IFT172: variants seen among roughly 807,000 people sequenced by gnomAD.
IFT172 encodes intraflagellar transport 172.
IFT172 carries 164 observed loss-of-function variants against 248.9 expected under a neutral mutation model. The ratio of observed to expected loss-of-function variants is 0.66; its 90% confidence interval spans 0.58 to 0.75. The LOEUF is 0.75. IFT172 is among the 30% of genes least tolerant of loss of function. IFT172 has a pLI of 0.00. For synonymous variants in IFT172, 729 were observed against 791.6 expected (o/e 0.92, Z 1.33); for missense variants, 1,950 against 2,192.4 (o/e 0.89, Z 2.21).
At chr2:27,453,185 G>C (rs1388364473) in intron 35 of IFT172, 199 bp downstream of exon 35, 2 of 755,118 alleles carry the variant, frequency 2.6e-6, no homozygotes, top group Non-Finnish European at 4.8e-6. Flanking sequence ...ACTTTTGGCT[G>C]TCAGGGCTCT....
Position 27,489,674 on chromosome 2 carries a change from A to C in IFT172, c.-21T>G, listed in dbSNP as rs1669034791. Reference sequence around the variant, plus strand: ...TGCATGACGCACACCTGTCTTTCAGATGCTCCTAGACAGCGACAACTCCCG... The same window carrying C: ...TGCATGACGCACACCTGTCTTTCAGCTGCTCCTAGACAGCGACAACTCCCG... On this transcript the variant is annotated 5_prime_UTR_variant, in exon 1 of 48. Transcript: ENST00000260570. 6.2e-7 allele frequency: 1 copy of C among 1,604,718 alleles called. No homozygotes were observed. The highest frequency in any genetic ancestry group is 8.5e-7 in the Non-Finnish European group (1 of 1,173,588).
chr2:27,461,902 C>T, intron 20 of IFT172, 66 bp from the exon 21 acceptor site: 1 of 1,577,742 alleles, frequency 6.3e-7, no homozygotes. Context: ...GCAGCAAGCT[C>T]TCCTCAGCCT....
At chr2:27,455,554 CA>C in intron 30 of IFT172, 6 of 204,818 alleles carry the variant, frequency 2.9e-5, no homozygotes, top group South Asian at 7.0e-5. Flanking sequence ...TAAAAAAGTA[CA>C]AAAAAATTAG....
Position 27,483,648 on chromosome 2 carries a change from T to G in IFT172, c.414A>C (p.Ala138=), listed in dbSNP as rs1668544883. 2 of 1,614,150 alleles carry G rather than the reference T, an allele frequency of 1.2e-6. No individual in the cohort carries two copies. Among genetic ancestry groups the G allele is most frequent in the Non-Finnish European group, 1.7e-6 (2 of 1,180,020 alleles). Residue 138 remains alanine (A), a synonymous_variant, in exon 6 of 48, where the codon GCA becomes GCC. Coordinates refer to ENST00000260570, the MANE Select transcript of IFT172 (RefSeq NM_015662.3). The part of the protein sequence containing the change: ...FGLAEGKVRL[A]NTKTNKSSTI... Reference sequence around the variant, plus strand: ...TAGATGATTTATTAGTTTTGGTGTTTGCTAAACGAACCTGAAAATGGAAAA... The same window carrying G: ...TAGATGATTTATTAGTTTTGGTGTTGGCTAAACGAACCTGAAAATGGAAAA...
At chr2:27,483,992 T>C in intron 4 of IFT172, 55 bp from the exon 5 acceptor site, 1 of 1,500,376 alleles carries the variant, frequency 6.7e-7, no homozygotes, top group Non-Finnish European at 9.3e-7. Context: ...GCCAGCACTT[T>C]TATAACAACT....
At chr2:27,458,896 A>G in intron 25 of IFT172, 28 bp from the exon 26 acceptor site, 1 of 1,611,988 alleles carries the variant, frequency 6.2e-7, no homozygotes, top group Non-Finnish European at 8.5e-7. Flanking sequence ...TAGATACAAA[A>G]GGTCAGAGCA....
In IFT172 at chr2:27,478,172, G is replaced by A. The variant is rs964615884; in HGVS notation, c.1006-16C>T. 9.9e-6 allele frequency: 16 copies of A among 1,613,962 alleles called. No homozygotes were observed. The highest frequency in any genetic ancestry group is 2.2e-5 in the East Asian group (1 of 44,880). The stretch of plus-strand genomic sequence containing the variant: ...TCACAATCACCTTGGTAAAGGACAA[G>A]TGTGAGCCCCTTAGGCTTCCCCAGC... On this transcript the variant is annotated splice_polypyrimidine_tract_variant and intron_variant, in intron 10 of 47. Coordinates refer to ENST00000260570, the MANE Select transcript of IFT172 (RefSeq NM_015662.3).
Position 27,446,368 on chromosome 2 carries a change from T to G in IFT172, c.4660-13A>C. On this transcript the variant is annotated splice_polypyrimidine_tract_variant and intron_variant, in intron 42 of 47. Transcript: ENST00000260570. ...CAGCCACGGTTTCCTGGGATTAAAG[T>G]CAAAGCATTATGAATATGGCACTAA... The G allele has an allele frequency of 6.2e-7, 1 of 1,613,318 alleles. No individual in the cohort carries two copies. Among genetic ancestry groups the G allele is most frequent in the Non-Finnish European group, 8.5e-7 (1 of 1,179,296 alleles).
chr2:27,452,685 G>A (rs923576384), intron 35 of IFT172, among the ~76,000 whole-genome samples: 4 of 152,168 alleles, frequency 2.6e-5, no homozygotes, highest in Non-Finnish European at 4.4e-5. Flanking sequence ...ACAATGGTAA[G>A]CATTTGTGTA....
chr2:27,473,792 G>A (rs1452408958), intron 14 of IFT172, among the ~76,000 whole-genome samples: 6 of 151,954 alleles, frequency 3.9e-5, no homozygotes, highest in Admixed American at 1.3e-4. Flanking sequence ...AAAGTTAAGA[G>A]AAGAACTTTT....
At position 27,458,204 on chromosome 2, in the gene IFT172, C is replaced by G. The variant is rs1009534874; in HGVS notation, c.2897G>C (p.Arg966Thr). 2 of 1,614,048 alleles carry G rather than the reference C, an allele frequency of 1.2e-6. No individual in the cohort carries two copies. The highest frequency in any genetic ancestry group is 2.7e-5 in the African/African-American group (2 of 74,922). Residue 966 changes from arginine to threonine, a missense_variant, in exon 27 of 48, where the codon AGA (arginine) becomes ACA (threonine). Arg to Thr is a moderately conservative substitution (Grantham distance 71). Coordinates refer to ENST00000260570, the MANE Select transcript of IFT172 (RefSeq NM_015662.3). ...QAHKLAMKCM[R>T]PEDVSVLYIT... ...GTATAGCACTGACACATCTTCTGGT[C>G]TCATGCATTTCATCGCCAGCTGTGG... is the stretch of plus-strand genomic sequence containing the variant.
intron 35 of IFT172, among the ~76,000 whole-genome samples, chr2:27,451,761 G>C (rs186254836): frequency 6.6e-6 from 1 of 151,972 alleles, no homozygotes; most frequent in Non-Finnish European, 1.5e-5. Context: ...GCAAGACTCC[G>C]TCTCAAAAAA....
In IFT172 at chr2:27,466,033, TA is replaced by T; in HGVS notation, c.1693-152del. 16 of 853,014 alleles carry T rather than the reference TA, an allele frequency of 1.9e-5. No individual in the cohort carries two copies. In the South Asian group the frequency reaches 2.3e-4, roughly 12 times the overall value. The allele number at this position is 853,014 out of a possible 1,614,324, so 52.8% of individuals were successfully genotyped here. ...CTAACATTTTAGTTTCTCTCAAGCA[TA>T]AAAAAATACTTCATTTATAGCAATA... On this transcript the variant is annotated intron_variant, in intron 16 of 47. Coordinates refer to ENST00000260570, the MANE Select transcript of IFT172 (RefSeq NM_015662.3).
At chr2:27,483,201 G>C (rs1162324801) in intron 7 of IFT172, 88 bp downstream of exon 7, 7 of 780,852 alleles carry the variant, frequency 9.0e-6, no homozygotes, top group Non-Finnish European at 1.6e-5. Context: ...TTTTTTGGTA[G>C]AGACAGGGTT....
chr2:27,445,426 T>G lies in IFT172; in HGVS notation c.4938A>C (p.Arg1646=). Reference sequence around the variant, plus strand: ...CCATGGAGACTGTAAGCACCCAGTCTCGAACCTCTTCTCTCTCAGCCTCCT... The same window carrying G: ...CCATGGAGACTGTAAGCACCCAGTCGCGAACCTCTTCTCTCTCAGCCTCCT... ...HVPEAEREEV[R]DWVLTVSMDQ... Residue 1646 remains arginine (R), a synonymous_variant, in exon 46 of 48, where the codon CGA becomes CGC. Coordinates refer to ENST00000260570, the MANE Select transcript of IFT172 (RefSeq NM_015662.3). The surrounding 1 kb of genome is among the most constrained non-coding windows in gnomAD (Gnocchi z 4.4). 1.2e-6 allele frequency: 2 copies of G among 1,611,668 alleles called. No homozygotes were observed. Among genetic ancestry groups the G allele is most frequent in the Middle Eastern group, 3.4e-4 (2 of 5,872 alleles).
At chr2:27,460,930 G>A in intron 23 of IFT172, 85 bp downstream of exon 23, 1 of 1,515,488 alleles carries the variant, frequency 6.6e-7, no homozygotes. Flanking sequence ...GGTGTGTAGG[G>A]GCAACCCACC....
Position 27,472,289 on chromosome 2 carries a change from C to A in IFT172, c.1485G>T (p.Glu495Asp). ...CCCTGAAGAGGAGCTTGTGTCCAGT[C>A]TCATTAAGTTCCAGCCAATCCACAC... Reference protein sequence around the residue: ...ESRVDWLELNETGHKLLFRDR... With the variant: ...ESRVDWLELNDTGHKLLFRDR... The change falls in exon 15 of 48, where the codon GAG becomes GAT. Residue 495 changes from glutamate to aspartate, a missense_variant. Glu to Asp is a conservative substitution (Grantham distance 45). Coordinates refer to ENST00000260570, the MANE Select transcript of IFT172 (RefSeq NM_015662.3). 6.2e-7 allele frequency: 1 copy of A among 1,614,096 alleles called. No individual in the cohort carries two copies. The highest frequency in any genetic ancestry group is 8.5e-7 in the Non-Finnish European group (1 of 1,180,028).
chr2:27,483,979 T>G (rs1572833648), intron 4 of IFT172, 42 bp from the exon 5 acceptor site: 6 of 1,570,020 alleles, frequency 3.8e-6, no homozygotes, highest in East Asian at 2.2e-5. Flanking sequence ...CCCATCTGTG[T>G]GGGCCAGCAC....
intron 11 of IFT172, 60 bp downstream of exon 11, chr2:27,477,935 C>T: frequency 6.3e-7 from 1 of 1,596,474 alleles, no homozygotes; most frequent in Non-Finnish European, 8.6e-7. Flanking sequence ...ATTTTGGGTC[C>T]CCACAAATAT....
Sources: gnomAD v4.1 joint callset for allele counts (sites outside exome capture counted in the v4.1 genomes callset) on GRCh38, gnomAD v4.1.1 for gene constraint, Gnocchi (gnomAD v3.1) non-coding constraint, MANE v1.5 for transcripts, NCBI Gene and HGNC (gene_info 2026-07-23, HGNC 2026-07-21) for gene names.